Variants in ZCCHC7 observed in about 807,000 individuals in gnomAD.
ZCCHC7 encodes the protein zinc finger CCHC-type containing 7.
In ZCCHC7, 35 loss-of-function variants were observed where a neutral mutation model predicts 52.0. That is an observed-to-expected ratio of 0.67 (90% CI 0.51 to 0.89). The LOEUF (loss-of-function observed/expected upper bound fraction) is 0.89, where lower values mean the gene tolerates loss of function less well. Among genes scored for constraint, ZCCHC7 ranks in the 40% least tolerant of loss-of-function variants. The probability of loss-of-function intolerance (pLI) is 0.00; values close to 1 mark genes in which losing one functional copy is unlikely to be tolerated. For missense variants in ZCCHC7, 574 were observed against 649.1 expected (o/e 0.88, Z 1.26); for synonymous variants, 217 against 221.5 (o/e 0.98, Z 0.18).
intron 2 of ZCCHC7, among the ~76,000 whole-genome samples, chr9:37,177,049 G>A (rs1822073771): frequency 6.6e-6 from 1 of 152,112 alleles, no homozygotes; most frequent in South Asian, 2.1e-4. Flanking sequence ...GGCTTTAAAA[G>A]CAAGGATCTA....
intron 2 of ZCCHC7, among the ~76,000 whole-genome samples, chr9:37,136,903 G>C (rs1843020458): frequency 6.6e-6 from 1 of 152,116 alleles, no homozygotes; most frequent in Admixed American, 6.5e-5. Flanking sequence ...GTGCTTACAG[G>C]CATGAGCCAC....
At chr9:37,319,489 G>A (rs1440853744) in intron 5 of ZCCHC7, among the ~76,000 whole-genome samples, 2 of 152,092 alleles carry the variant, frequency 1.3e-5, no homozygotes, top group Non-Finnish European at 2.9e-5. Flanking sequence ...GTGTAGTGGT[G>A]CAATCTCGGC....
intron 2 of ZCCHC7, among the ~76,000 whole-genome samples, chr9:37,138,698 TA>T (rs1843097325): frequency 6.6e-6 from 1 of 151,098 alleles, no homozygotes; most frequent in Non-Finnish European, 1.5e-5. Flanking sequence ...TACAGGTTTG[TA>T]TTTTTTTTTT....
intron 2 of ZCCHC7, among the ~76,000 whole-genome samples, chr9:37,281,450 A>T (rs1827954470): frequency 6.6e-6 from 1 of 152,196 alleles, no homozygotes; most frequent in Admixed American, 6.5e-5. Flanking sequence ...GATGAATTAT[A>T]AACTCTTTAT....
Position 37,289,401 on chromosome 9 carries a change from G to A in ZCCHC7, c.611-12787G>A, listed in dbSNP as rs1434304856. On this transcript the variant is annotated intron_variant, in intron 2 of 8. Transcript: ENST00000336755. ...ACTGACTTCGTGATCTGCCCGCCTC[G>A]GCCTCCCAAAGTGCTGGGATTACAG... 4.6e-5 allele frequency among the ~76,000 whole-genome samples: 7 copies of A among 151,916 alleles called. No individual in the cohort carries two copies. In the East Asian group the frequency reaches 7.7e-4, roughly 17 times the overall value.
At chr9:37,258,541 C>G (rs573677327) in intron 2 of ZCCHC7, among the ~76,000 whole-genome samples, 1 of 151,968 alleles carries the variant, frequency 6.6e-6, no homozygotes, top group East Asian at 1.9e-4. Context: ...CAGATTACTT[C>G]AGCCTAGGAG....
In ZCCHC7 at chr9:37,196,896, G is replaced by C. The variant is rs1466902024; in HGVS notation, c.610+69954G>C. On this transcript the variant is annotated intron_variant, in intron 2 of 8. Coordinates refer to ENST00000336755, the MANE Select transcript of ZCCHC7 (RefSeq NM_032226.3). ...AAAAAATTGGGGGATACACTTTTTT[G>C]TGTGAAGGATAAAGCTCTTGTATTA... 2.6e-5 allele frequency among the ~76,000 whole-genome samples: 4 copies of C among 151,992 alleles called. No individual in the cohort carries two copies. In the East Asian group the frequency reaches 7.7e-4, roughly 29 times the overall value.
At chr9:37,141,124 A>G (rs969028156) in intron 2 of ZCCHC7, among the ~76,000 whole-genome samples, 3 of 151,942 alleles carry the variant, frequency 2.0e-5, no homozygotes, top group Admixed American at 1.3e-4. Context: ...CTTTTTATCC[A>G]TACAGATTCT....
At chr9:37,278,497 A>G (rs1243478724) in intron 2 of ZCCHC7, among the ~76,000 whole-genome samples, 1 of 152,180 alleles carries the variant, frequency 6.6e-6, no homozygotes, top group Non-Finnish European at 1.5e-5. Flanking sequence ...GCAGTGCCCC[A>G]GTGACTCATT....
chr9:37,319,540 A>G (rs1334270936), intron 5 of ZCCHC7, among the ~76,000 whole-genome samples: 1 of 151,768 alleles, frequency 6.6e-6, no homozygotes, highest in Non-Finnish European at 1.5e-5. Flanking sequence ...TGATCCTACC[A>G]CCTCAGCCTC....
At chr9:37,192,858 T>C (rs1352952975) in intron 2 of ZCCHC7, among the ~76,000 whole-genome samples, 1 of 152,216 alleles carries the variant, frequency 6.6e-6, no homozygotes, top group Non-Finnish European at 1.5e-5. Flanking sequence ...CTTCATACAT[T>C]GGGATTATTC....
intron 2 of ZCCHC7, among the ~76,000 whole-genome samples, chr9:37,278,447 T>G (rs986982543): frequency 8.5e-5 from 13 of 152,194 alleles, no homozygotes; most frequent in Non-Finnish European, 1.3e-4. Flanking sequence ...TCACTCAATC[T>G]GAAAAACAGA....
chr9:37,269,630 AAAAAAAAAAAAAAAAAC>A (rs1370285528), intron 2 of ZCCHC7, among the ~76,000 whole-genome samples: 1 of 145,912 alleles, frequency 6.9e-6, no homozygotes, highest in Non-Finnish European at 1.5e-5. Flanking sequence ...AAAAAAAAAA[AAAAAAAAAAAAAAAAAC>A]AAAAGAAGTT....
At chr9:37,174,822 G>A (rs1821928633) in intron 2 of ZCCHC7, among the ~76,000 whole-genome samples, 1 of 152,124 alleles carries the variant, frequency 6.6e-6, no homozygotes, top group East Asian at 1.9e-4. Context: ...TTATGGGAAA[G>A]TTACCCTAAC....
chr9:37,313,284 G>C (rs944680646), intron 5 of ZCCHC7, among the ~76,000 whole-genome samples: 5 of 151,186 alleles, frequency 3.3e-5, no homozygotes, highest in Non-Finnish European at 5.9e-5. Context: ...TGAGAGATCA[G>C]ACTACTTCAA....
intron 6 of ZCCHC7, among the ~76,000 whole-genome samples, chr9:37,330,432 A>G (rs1353352806): frequency 1.3e-5 from 2 of 151,690 alleles, no homozygotes; most frequent in Non-Finnish European, 3.0e-5. Flanking sequence ...TAAAAAGACT[A>G]CATATACACA....
intron 5 of ZCCHC7, chr9:37,327,069 AAT>A (rs974530530): frequency 2.0e-5 from 3 of 152,124 alleles, no homozygotes; most frequent in Non-Finnish European, 4.4e-5. Context: ...TTCGTAAGAA[AAT>A]ATATTCTAAT....
chr9:37,324,278 T>G (rs1414645469), intron 5 of ZCCHC7, among the ~76,000 whole-genome samples: 1 of 152,142 alleles, frequency 6.6e-6, no homozygotes, highest in Non-Finnish European at 1.5e-5. Context: ...TGAAGGATTT[T>G]TGTGAGATGA....
intron 2 of ZCCHC7, among the ~76,000 whole-genome samples, chr9:37,129,918 A>C (rs1842700870): frequency 6.6e-6 from 1 of 152,186 alleles, no homozygotes; most frequent in Non-Finnish European, 1.5e-5. Flanking sequence ...ATGCTGAGGT[A>C]GTACTCGTGA....
Sources: gnomAD v4.1 joint callset for allele counts (sites outside exome capture counted in the v4.1 genomes callset) on GRCh38, gnomAD v4.1.1 for gene constraint, MANE v1.5 for transcripts, NCBI Gene and HGNC (gene_info 2026-07-23, HGNC 2026-07-21) for gene names.